The following ISCA1 variants were observed in gnomAD, a reference collection of about 807,000 sequenced individuals.
The protein encoded by ISCA1 is iron-sulfur cluster assembly 1, also known as iron-sulfur cluster assembly 1 homolog, mitochondrial.
In ISCA1, 9 loss-of-function variants were observed where a neutral mutation model predicts 14.7. The ratio of observed to expected loss-of-function variants is 0.61; its 90% confidence interval spans 0.37 to 1.07. ISCA1 has a LOEUF of 1.07. Among genes scored for constraint, ISCA1 ranks in the 50% least tolerant of loss-of-function variants. The pLI is 0.01. For missense variants in ISCA1, 102 were observed against 150.1 expected (o/e 0.68, Z 1.67); for synonymous variants, 38 against 54.3 (o/e 0.70, Z 1.32).
At chr9:86,269,002 G>T (rs1587817984) in intron 3 of ISCA1, among the ~76,000 whole-genome samples, 1 of 151,724 alleles carries the variant, frequency 6.6e-6, no homozygotes, top group African/African-American at 2.4e-5. Flanking sequence ...CACCATGTTG[G>T]CCAGGCTGGT....
chr9:86,282,373 C>G lies in ISCA1; in HGVS notation c.81+5G>C. On this transcript the variant is annotated splice_donor_5th_base_variant and intron_variant, in intron 1 of 3. Coordinates refer to ENST00000375991, the MANE Select transcript of ISCA1 (RefSeq NM_030940.4). ...CGGGCCCCGCCGCGCGCCGCGAGCA[C>G]TCACCAGGGTGAGGGCTGCCCGGGT... The G allele has an allele frequency of 6.5e-7, 1 of 1,544,144 alleles. No homozygotes were observed.
chr9:86,276,897 G>GAAT (rs1325845341), intron 1 of ISCA1, among the ~76,000 whole-genome samples: 1 of 82,474 alleles, frequency 1.2e-5, no homozygotes, highest in Non-Finnish European at 2.6e-5. Flanking sequence ...AAAAAAAAAA[G>GAAT]GCATAGCCAT....
At position 86,282,428 on chromosome 9, in the gene ISCA1, G is replaced by A. The variant is rs764783789; in HGVS notation, c.31C>T (p.Arg11Trp). The change falls in exon 1 of 4, where the codon CGG becomes TGG. Residue 11 changes from arginine (R) to tryptophan (W), a missense_variant. Coordinates refer to ENST00000375991, the MANE Select transcript of ISCA1 (RefSeq NM_030940.4). ...TGCAGCTTCCTCTTGCTCACAGCCC[G>A]GACAGTTGCCCGGACTAAGGAAGCC... is the stretch of plus-strand genomic sequence containing the variant. MSASLVRATV[R>W]AVSKRKLQPT... 3.2e-6 allele frequency: 5 copies of A among 1,556,026 alleles called. No individual in the cohort carries two copies. In the South Asian group the frequency reaches 3.5e-5, roughly 11 times the overall value.
At chr9:86,275,266 T>C (rs1261960981) in intron 1 of ISCA1, among the ~76,000 whole-genome samples, 1 of 152,252 alleles carries the variant, frequency 6.6e-6, no homozygotes, top group Non-Finnish European at 1.5e-5. Context: ...CTTCCTACTT[T>C]ATCAGCTCCT....
chr9:86,273,262 C>T (rs557431187), intron 2 of ISCA1, among the ~76,000 whole-genome samples: 26 of 152,212 alleles, frequency 1.7e-4, no homozygotes, highest in Non-Finnish European at 3.2e-4. Context: ...AAATGATTTA[C>T]AGCATTCCAT....
intron 2 of ISCA1, 38 bp downstream of exon 2, chr9:86,274,151 T>C: frequency 8.8e-7 from 1 of 1,141,616 alleles, no homozygotes; most frequent in East Asian, 2.3e-5. Flanking sequence ...AAAATGCAGC[T>C]TCAGTTTTTT....
chr9:86,265,752 A>G lies in ISCA1; in HGVS notation c.*291T>C. 1 of 462,196 alleles carries G rather than the reference A, an allele frequency of 2.2e-6. No homozygotes were observed. The highest frequency in any genetic ancestry group is 4.1e-6 in the Non-Finnish European group (1 of 245,764). The allele number at this position is 462,196 out of a possible 1,614,324, so 28.6% of individuals were successfully genotyped here. ...CCATCAATAGCGATCTAAGGAGTGC[A>G]CACAGTTCAGGAAATGGATAAACAG... On this transcript the variant is annotated 3_prime_UTR_variant, in exon 4 of 4. Coordinates refer to ENST00000375991, the MANE Select transcript of ISCA1 (RefSeq NM_030940.4).
chr9:86,281,300 T>G (rs1048770263), intron 1 of ISCA1, among the ~76,000 whole-genome samples: 1 of 152,340 alleles, frequency 6.6e-6, no homozygotes, highest in South Asian at 2.1e-4. Context: ...AAATAAATTC[T>G]CTCACCTGAT....
chr9:86,279,665 A>G (rs1174832507), intron 1 of ISCA1, among the ~76,000 whole-genome samples: 1 of 152,162 alleles, frequency 6.6e-6, no homozygotes. Context: ...GTTTGCTCTT[A>G]TCTGTCTCTA....
At position 86,266,095 on chromosome 9, in the gene ISCA1, T is replaced by C. The variant is rs202167982; in HGVS notation, c.338A>G (p.Asn113Ser). 31 of 1,613,028 alleles carry C rather than the reference T, an allele frequency of 1.9e-5. No individual in the cohort carries two copies. The highest frequency in any genetic ancestry group is 6.6e-5 in the South Asian group (6 of 90,916). ...ACAAGTCCCTTTGATGTTTGGGTTA[T>C]TGAACACAAACTCACTGGATAATTT... ...EDKLSSEFVF[N>S]NPNIKGTCGC... The change falls in exon 4 of 4, where the codon AAT becomes AGT. Residue 113 changes from asparagine to serine, a missense_variant. Asn to Ser is a conservative substitution (Grantham distance 46). Transcript: ENST00000375991.
chr9:86,282,213 G>C (rs887733683), intron 1 of ISCA1, 165 bp downstream of exon 1: 3 of 697,476 alleles, frequency 4.3e-6, no homozygotes, highest in Non-Finnish European at 6.9e-6. Flanking sequence ...TGCAAAGAGG[G>C]GCCGGAGGCG....
At chr9:86,266,331 A>C in intron 3 of ISCA1, 140 bp from the exon 4 acceptor site, 1 of 1,336,236 alleles carries the variant, frequency 7.5e-7, no homozygotes, top group Non-Finnish European at 1.0e-6. Flanking sequence ...TATTTCCTTA[A>C]GGAATTAAGC....
rs1825285585 is a variant in ISCA1, at chr9:86,265,730, T to C, written c.*313A>G. ...GAAATGCTGAGGGATGATCAAGCCA[T>C]CAATAGCGATCTAAGGAGTGCACAC... On this transcript the variant is annotated 3_prime_UTR_variant, in exon 4 of 4. Transcript: ENST00000375991. The C allele has an allele frequency of 5.5e-6, 2 of 365,408 alleles. No individual in the cohort carries two copies. The highest frequency in any genetic ancestry group is 6.0e-5 in the South Asian group (2 of 33,340). 22.6% of individuals were successfully genotyped at this position (365,408 alleles called of 1,614,324 possible).
intron 3 of ISCA1, among the ~76,000 whole-genome samples, chr9:86,270,077 C>A (rs931339379): frequency 1.3e-5 from 2 of 150,914 alleles, no homozygotes; most frequent in African/African-American, 2.5e-5. Context: ...GCAACAGAAG[C>A]CAAAATTGAC....
chr9:86,267,596 T>C, intron 3 of ISCA1: 1 of 865,906 alleles, frequency 1.2e-6, no homozygotes, highest in East Asian at 1.2e-4. Context: ...TAAATTAAAT[T>C]ATAATAAATA....
At chr9:86,270,300 C>G (rs1444868961) in intron 3 of ISCA1, among the ~76,000 whole-genome samples, 6 of 151,250 alleles carry the variant, frequency 4.0e-5, no homozygotes, top group Admixed American at 3.3e-4. Flanking sequence ...ACAGACACTT[C>G]TCAAAAGAAG....
At position 86,266,174 on chromosome 9, in the gene ISCA1, C is replaced by A. The variant is rs776679653; in HGVS notation, c.259G>T (p.Glu87Ter). 6.2e-7 allele frequency: 1 copy of A among 1,607,802 alleles called. No individual in the cohort carries two copies. The highest frequency in any genetic ancestry group is 1.7e-5 in the Admixed American group (1 of 58,604). The change falls in exon 4 of 4, where the codon GAA becomes TAA. Residue 87 changes from glutamate (E) to a stop codon, truncating the protein, a stop_gained. Transcript: ENST00000375991. LOFTEE classifies it high-confidence loss of function. ...VIQDGVRVFI[E>*]KKAQLTLLGT... ...AAAAGTGTTAGCTGTGCTTTCTTTT[C>A]GATGAATACTCTGACTCCTTGGAGA...
At chr9:86,267,490 C>T in intron 3 of ISCA1, 3 of 975,400 alleles carry the variant, frequency 3.1e-6, no homozygotes, top group Non-Finnish European at 3.7e-6. Flanking sequence ...TAAGTGCATA[C>T]TTCCAATGAC....
intron 1 of ISCA1, among the ~76,000 whole-genome samples, chr9:86,281,285 TATAAAA>T (rs765474616): frequency 1.3e-5 from 2 of 152,220 alleles, no homozygotes. Context: ...AAAAATTGAT[TATAAAA>T]ATAAATTCTC....
Sources: allele counts gnomAD v4.1 joint callset (sites outside exome capture counted in the v4.1 genomes callset), GRCh38; gene constraint gnomAD v4.1.1; transcripts MANE v1.5; gene names NCBI Gene and HGNC (gene_info 2026-07-23, HGNC 2026-07-21).